TARBP1: variants seen among roughly 807,000 people sequenced by gnomAD.
TARBP1 encodes the protein tRNA guanosine 2 -O-methyltransferase TARBP1, also known as tRNA (guanosine(18)-2'-O)-methyltransferase TARBP1.
A neutral mutation model predicts 178.6 loss-of-function variants in TARBP1; 144 were observed. The ratio of observed to expected loss-of-function variants is 0.81; its 90% CI spans 0.70 to 0.93. The LOEUF is 0.93. Among genes scored for constraint, TARBP1 ranks in the 40% least tolerant of loss-of-function variants. The probability of loss-of-function intolerance (pLI) is 0.00; values close to 1 mark genes in which losing one functional copy is unlikely to be tolerated. For synonymous variants in TARBP1, 787 were observed against 781.0 expected (o/e 1.01, Z -0.13); for missense variants, 2,067 against 2,011.7 (o/e 1.03, Z -0.53).
At chr1:234,437,667 A>G (rs986628584) in intron 12 of TARBP1, among the ~76,000 whole-genome samples, 1 of 152,234 alleles carries the variant, frequency 6.6e-6, no homozygotes, top group African/African-American at 2.4e-5. Flanking sequence ...TCTACAAGGA[A>G]AAAATAGCAG....
intron 22 of TARBP1, among the ~76,000 whole-genome samples, chr1:234,416,626 G>A (rs767560949): frequency 6.6e-5 from 10 of 152,126 alleles, no homozygotes; most frequent in Admixed American, 6.5e-5. Flanking sequence ...GTGGTGTGAC[G>A]ACTCACTTAA....
At chr1:234,404,401 G>A (rs1231708822) in intron 24 of TARBP1, among the ~76,000 whole-genome samples, 3 of 152,118 alleles carry the variant, frequency 2.0e-5, no homozygotes, top group African/African-American at 7.2e-5. Flanking sequence ...CAGCAACTTT[G>A]GTAGCTTGAG....
rs1199721309 is a variant in TARBP1 at position 234,393,402 on chromosome 1, T to C, written c.4520A>G (p.His1507Arg). The C allele has an allele frequency of 1.9e-6, 3 of 1,605,536 alleles. No homozygotes were observed. The highest frequency in any genetic ancestry group is 2.6e-6 in the Non-Finnish European group (3 of 1,175,620). Residue 1507 changes from histidine (H) to arginine (R), a missense_variant, in exon 28 of 30, where the codon CAC (histidine) becomes CGC (arginine). Physicochemically the swap from His to Arg is conservative, Grantham distance 29 (BLOSUM62 0). Transcript: ENST00000040877. ...CCACTGTTCTGCAGAGACACTGAGGTGCTGAAACTGTTTGTCGCTGATACA... is the reference window on the plus strand; with the variant it reads ...CCACTGTTCTGCAGAGACACTGAGGCGCTGAAACTGTTTGTCGCTGATACA... ...LQCISDKQFQ[H>R]LSVSAEQWLP...
intron 23 of TARBP1, 101 bp from the exon 24 acceptor site, chr1:234,406,200 A>C: frequency 2.8e-6 from 3 of 1,086,992 alleles, no homozygotes; most frequent in Non-Finnish European, 4.0e-6. Flanking sequence ...AACTGCTCCT[A>C]GTAAAACTTC....
chr1:234,420,939 AAGC>A, intron 20 of TARBP1, 127 bp from the exon 21 acceptor site: 1 of 506,232 alleles, frequency 2.0e-6, no homozygotes, highest in Non-Finnish European at 3.5e-6. Context: ...TTCCCCCAAA[AAGC>A]AGTTAGGAGG....
Position 234,405,946 on chromosome 1 carries a change from T to C in TARBP1, c.3946A>G (p.Ile1316Val). 1.2e-6 allele frequency: 2 copies of C among 1,614,174 alleles called. No individual in the cohort carries two copies. Among genetic ancestry groups the C allele is most frequent in the South Asian group, 1.1e-5 (1 of 91,088 alleles). Residue 1316 changes from isoleucine (I) to valine (V), a missense_variant, in exon 24 of 30, where the codon ATT becomes GTT. Coordinates refer to ENST00000040877, the MANE Select transcript of TARBP1 (RefSeq NM_005646.4). ...TCCACTTGATGGAGGCTGGATTCAATCACAGGAGTCAGGGCATCAAATTCT... is the reference window on the plus strand; with the variant it reads ...TCCACTTGATGGAGGCTGGATTCAACCACAGGAGTCAGGGCATCAAATTCT... ...VEEFDALTPVIESSLHQVESM... is the reference protein window; with the variant it reads ...VEEFDALTPVVESSLHQVESM...
intron 14 of TARBP1, among the ~76,000 whole-genome samples, chr1:234,433,175 T>C (rs1664649038): frequency 6.6e-6 from 1 of 151,954 alleles, no homozygotes; most frequent in Non-Finnish European, 1.5e-5. Flanking sequence ...GAGGTGGAGG[T>C]TGCAGTGAGC....
chr1:234,474,245 A>AACACAC (rs35976593), intron 1 of TARBP1, among the ~76,000 whole-genome samples: 6,203 of 81,222 alleles, frequency 0.076, 363 homozygotes, highest in East Asian at 0.27. Flanking sequence ...TTGTCTCTAA[A>AACACAC]ACACACACAC....
At chr1:234,439,027 T>C (rs544742084) in intron 12 of TARBP1, among the ~76,000 whole-genome samples, 2 of 152,236 alleles carry the variant, frequency 1.3e-5, no homozygotes, top group South Asian at 2.1e-4. Flanking sequence ...CCAGAAAAAA[T>C]ATCCTTCAGA....
chr1:234,461,940 C>T lies in TARBP1; in HGVS notation c.1400-1544G>A, dbSNP rs150452221. Among the ~76,000 whole-genome samples, 529 of 152,264 alleles carry T rather than the reference C, an allele frequency of 3.5e-3. 4 individuals are homozygous for T. Among genetic ancestry groups the T allele is most frequent in the African/African-American group, 0.012 (496 of 41,548 alleles). On this transcript the variant is annotated intron_variant, in intron 6 of 29. Transcript: ENST00000040877. Reference sequence around the variant, plus strand: ...CTCAGAAGCTACTAAAAGGATATTACGCGGACTTTGTGTCTTTTGAAATAC... The same window carrying T: ...CTCAGAAGCTACTAAAAGGATATTATGCGGACTTTGTGTCTTTTGAAATAC...
intron 23 of TARBP1, 70 bp downstream of exon 23, chr1:234,410,375 T>TA (rs1661677044): frequency 1.0e-6 from 1 of 953,734 alleles, no homozygotes; most frequent in Non-Finnish European, 1.6e-6. Context: ...GCTCTACATA[T>TA]AAAAAATTGG....
chr1:234,408,729 C>T (rs552178289), intron 23 of TARBP1, among the ~76,000 whole-genome samples: 1 of 152,156 alleles, frequency 6.6e-6, no homozygotes, highest in Non-Finnish European at 1.5e-5. Context: ...AATCAACACC[C>T]TTGACTCACT....
intron 7 of TARBP1, 141 bp downstream of exon 7, chr1:234,460,120 A>G: frequency 1.1e-6 from 1 of 913,816 alleles, no homozygotes; most frequent in Non-Finnish European, 1.5e-6. Context: ...TTTTTTTCTT[A>G]TGTAAAATTA....
chr1:234,425,654 T>C lies in TARBP1; in HGVS notation c.3444+19A>G. On this transcript the variant is annotated intron_variant, in intron 20 of 29. Transcript: ENST00000040877. ...CTGACTGTTAAAAACAAAGATAATT[T>C]AAAGTAAAATACACTTACTTTATCT... The C allele has an allele frequency of 6.3e-7, 1 of 1,595,888 alleles. No homozygotes were observed. Among genetic ancestry groups the C allele is most frequent in the Non-Finnish European group, 8.5e-7 (1 of 1,170,624 alleles).
At chr1:234,447,047 G>A in intron 11 of TARBP1, 72 bp from the exon 12 acceptor site, 2 of 1,520,672 alleles carry the variant, frequency 1.3e-6, no homozygotes, top group Non-Finnish European at 9.1e-7. Context: ...CCTATAATTG[G>A]GTGAAAACTG....
intron 24 of TARBP1, among the ~76,000 whole-genome samples, chr1:234,404,615 C>T (rs1483720156): frequency 6.6e-6 from 1 of 152,124 alleles, no homozygotes; most frequent in Non-Finnish European, 1.5e-5. Flanking sequence ...CCTGGCAATG[C>T]TACAGTGAAT....
At chr1:234,417,864 T>C (rs1293670945) in intron 22 of TARBP1, among the ~76,000 whole-genome samples, 3 of 152,210 alleles carry the variant, frequency 2.0e-5, no homozygotes, top group Non-Finnish European at 2.9e-5. Flanking sequence ...CATCTTTATT[T>C]TGTTGAATAG....
rs575087164 is a variant in TARBP1, at chr1:234,413,250, G to A, written c.3706-2719C>T. ...TCACGAAAAAAAAGCAGTGGCTCAC[G>A]CCTGTAATCCCAGCACTTTGGGAGG... On this transcript the variant is annotated intron_variant, in intron 22 of 29. Transcript: ENST00000040877. Among the ~76,000 whole-genome samples the A allele has an allele frequency of 2.8e-4, 43 of 152,280 alleles. 1 individual carries two copies. The South Asian group carries it at 7.5e-3, about 26-fold the overall frequency.
chr1:234,423,227 CA>C (rs1663314230), intron 20 of TARBP1, among the ~76,000 whole-genome samples: 1 of 152,168 alleles, frequency 6.6e-6, no homozygotes, highest in African/African-American at 2.4e-5. Context: ...ACAACCTCAC[CA>C]ATGCTCATTA....
Sources: allele counts gnomAD v4.1 joint callset (sites outside exome capture counted in the v4.1 genomes callset), GRCh38; gene constraint gnomAD v4.1.1; transcripts MANE v1.5; gene names NCBI Gene and HGNC (gene_info 2026-07-23, HGNC 2026-07-21).